The following ZNF804A variants were observed in gnomAD, a reference collection of about 807,000 sequenced individuals.
ZNF804A encodes the protein zinc finger protein 804A.
Under a neutral mutation model 16.5 loss-of-function variants are expected in ZNF804A, and 2 were observed. The ratio of observed to expected loss-of-function variants is 0.12; its 90% CI spans 0.05 to 0.38. The LOEUF (loss-of-function observed/expected upper bound fraction) is 0.38. Among genes scored for constraint, ZNF804A ranks in the 10% least tolerant of loss-of-function variants. ZNF804A has a pLI of 0.99. For missense variants in ZNF804A, 1,473 were observed against 1,390.7 expected (o/e 1.06, Z -0.94); for synonymous variants, 534 against 489.6 (o/e 1.09, Z -1.20).
At chr2:184,727,789 C>T (rs1368073258) in intron 1 of ZNF804A, among the ~76,000 whole-genome samples, 2 of 151,586 alleles carry the variant, frequency 1.3e-5, no homozygotes, top group African/African-American at 4.8e-5. Context: ...TAGTCAAATA[C>T]AGTATAAGAA....
chr2:184,775,113 T>C (rs994257868), intron 1 of ZNF804A, among the ~76,000 whole-genome samples: 2 of 151,778 alleles, frequency 1.3e-5, no homozygotes, highest in East Asian at 3.9e-4. Flanking sequence ...TAAGTAATAA[T>C]GTAAATGTGT....
chr2:184,824,482 A>G (rs1424482339), intron 1 of ZNF804A, among the ~76,000 whole-genome samples: 1 of 152,146 alleles, frequency 6.6e-6, no homozygotes, highest in Non-Finnish European at 1.5e-5. Context: ...TAAAAGAAAA[A>G]AAAAACAGAA....
chr2:184,807,108 A>G (rs914911110), intron 1 of ZNF804A, among the ~76,000 whole-genome samples: 1 of 151,788 alleles, frequency 6.6e-6, no homozygotes, highest in African/African-American at 2.4e-5. Context: ...AAAAAAAACT[A>G]GACTAAATAT....
intron 1 of ZNF804A, among the ~76,000 whole-genome samples, chr2:184,673,597 T>A (rs1013110699): frequency 2.6e-5 from 4 of 152,352 alleles, no homozygotes; most frequent in Admixed American, 1.3e-4. Context: ...TGATTTATTT[T>A]GTGCATAGAA....
At chr2:184,692,835 CCTGA>C (rs1467514521) in intron 1 of ZNF804A, among the ~76,000 whole-genome samples, 4 of 152,058 alleles carry the variant, frequency 2.6e-5, no homozygotes, top group Admixed American at 6.6e-5. Context: ...GTAGGATTCT[CCTGA>C]CTATTACAGA....
chr2:184,696,172 ATACT>A (rs1574167244), intron 1 of ZNF804A, among the ~76,000 whole-genome samples: 1 of 152,160 alleles, frequency 6.6e-6, no homozygotes, highest in East Asian at 1.9e-4. Context: ...AGAGGACAAA[ATACT>A]TAGTTTTTAA....
chr2:184,624,233 G>A (rs2105682012), intron 1 of ZNF804A, among the ~76,000 whole-genome samples: 1 of 152,154 alleles, frequency 6.6e-6, no homozygotes, highest in East Asian at 1.9e-4. Flanking sequence ...TGTACTTAAT[G>A]CCAATGAGTT....
At chr2:184,758,775 C>A (rs557217124) in intron 1 of ZNF804A, among the ~76,000 whole-genome samples, 4 of 151,894 alleles carry the variant, frequency 2.6e-5, no homozygotes, top group Non-Finnish European at 5.9e-5. Flanking sequence ...TTATGAACCA[C>A]AAATCATTGG....
At chr2:184,696,545 A>T (rs1214841895) in intron 1 of ZNF804A, among the ~76,000 whole-genome samples, 6 of 152,318 alleles carry the variant, frequency 3.9e-5, no homozygotes, top group African/African-American at 1.4e-4. Context: ...CATATAAATT[A>T]TTGTAAAATT....
chr2:184,828,880 G>A (rs1426684598), intron 1 of ZNF804A, among the ~76,000 whole-genome samples: 1 of 151,720 alleles, frequency 6.6e-6, no homozygotes, highest in African/African-American at 2.4e-5. Context: ...TCTTCTTAAA[G>A]GAGAATCAAA....
chr2:184,643,211 C>A (rs1238051476), intron 1 of ZNF804A, among the ~76,000 whole-genome samples: 1 of 151,700 alleles, frequency 6.6e-6, no homozygotes, highest in East Asian at 1.9e-4. Context: ...TATTTGTTTT[C>A]TTTCTGTGAT....
In ZNF804A at chr2:184,756,111, TC is replaced by T. The variant is rs1693955382; in HGVS notation, c.112-110256del. On this transcript the variant is annotated intron_variant, in intron 1 of 3. Coordinates refer to ENST00000302277, the MANE Select transcript of ZNF804A (RefSeq NM_194250.2). ...TGTGCTTTTGTTTATAGAGTTTTTTTCCTCAGTATTTATAAATATTCATTTC... is the reference window on the plus strand; with the variant it reads ...TGTGCTTTTGTTTATAGAGTTTTTTTCTCAGTATTTATAAATATTCATTTC... Among the ~76,000 whole-genome samples, 4 of 152,172 alleles carry T rather than the reference TC, an allele frequency of 2.6e-5. No individual in the cohort carries two copies. The South Asian group carries it at 8.3e-4, about 32-fold the overall frequency.
chr2:184,864,929 G>A (rs995797805), intron 1 of ZNF804A, among the ~76,000 whole-genome samples: 4 of 138,698 alleles, frequency 2.9e-5, no homozygotes, highest in Admixed American at 2.3e-4. Flanking sequence ...CGCCCAGGCT[G>A]GAGTGCAGTG....
At chr2:184,867,834 C>A (rs1041793756) in intron 2 of ZNF804A, among the ~76,000 whole-genome samples, 1 of 152,066 alleles carries the variant, frequency 6.6e-6, no homozygotes, top group African/African-American at 2.4e-5. Flanking sequence ...CTGAGAAAGT[C>A]ATTCCTCTGA....
intron 2 of ZNF804A, among the ~76,000 whole-genome samples, chr2:184,889,688 TG>T (rs1684951689): frequency 6.6e-6 from 1 of 151,870 alleles, no homozygotes; most frequent in South Asian, 2.1e-4. Context: ...TACACACATT[TG>T]TGTGTATGTG....
intron 1 of ZNF804A, among the ~76,000 whole-genome samples, chr2:184,733,381 C>G (rs10165596): frequency 8.6e-5 from 13 of 152,000 alleles, no homozygotes; most frequent in Non-Finnish European, 8.8e-5. Flanking sequence ...ATAAATTACA[C>G]TTAGTTGTGA....
intron 1 of ZNF804A, among the ~76,000 whole-genome samples, chr2:184,784,718 A>G (rs913171951): frequency 6.6e-6 from 1 of 151,998 alleles, no homozygotes; most frequent in Non-Finnish European, 1.5e-5. Context: ...TCCTGAGGCA[A>G]GGGTTGCAGC....
At chr2:184,885,259 A>G (rs540797170) in intron 2 of ZNF804A, among the ~76,000 whole-genome samples, 1 of 152,244 alleles carries the variant, frequency 6.6e-6, no homozygotes, top group South Asian at 2.1e-4. Context: ...AACTAGTTCA[A>G]CCACCGTGGA....
rs1423935621 is a variant in ZNF804A, at chr2:184,927,807, T to C, written c.256-5796T>C. ...AACTATCAGGCAACTGCTATTTCCT[T>C]AAGAGTCAAAAGCTCTTCGTTCAGT... On this transcript the variant is annotated intron_variant, in intron 2 of 3. Coordinates refer to ENST00000302277, the MANE Select transcript of ZNF804A (RefSeq NM_194250.2). Among the ~76,000 whole-genome samples the C allele has an allele frequency of 2.0e-5, 3 of 152,286 alleles. No individual in the cohort carries two copies. The East Asian group carries it at 5.8e-4, about 30-fold the overall frequency.
Sources: allele counts gnomAD v4.1 joint callset (sites outside exome capture counted in the v4.1 genomes callset), GRCh38; gene constraint gnomAD v4.1.1; transcripts MANE v1.5; gene names NCBI Gene and HGNC (gene_info 2026-07-23, HGNC 2026-07-21).